TMEM117: variants seen among roughly 807,000 people sequenced by gnomAD.
TMEM117 encodes transmembrane protein 117.
TMEM117 carries 27 observed loss-of-function variants against 52.4 expected under a neutral mutation model. That is an observed-to-expected ratio of 0.51 (90% CI 0.38 to 0.71). The LOEUF is 0.71. TMEM117 is among the 30% of genes least tolerant of loss of function. The pLI is 0.00. For synonymous variants in TMEM117, 215 were observed against 206.3 expected, an observed-to-expected ratio of 1.04 and a Z score of -0.36; for missense variants, 556 against 630.5, an observed-to-expected ratio of 0.88 and a Z score of 1.26.
chr12:43,963,625 C>T (rs1945439318), intron 3 of TMEM117, among the ~76,000 whole-genome samples: 1 of 152,162 alleles, frequency 6.6e-6, no homozygotes, highest in Non-Finnish European at 1.5e-5. Flanking sequence ...AGAAGTAGGA[C>T]ATTGACACAT....
chr12:44,353,847 G>C (rs1489733820), intron 6 of TMEM117, among the ~76,000 whole-genome samples: 1 of 152,186 alleles, frequency 6.6e-6, no homozygotes, highest in East Asian at 1.9e-4. Flanking sequence ...GTCATTGGTA[G>C]CTTGATGGGG....
At chr12:44,131,525 C>T (rs1236630814) in intron 3 of TMEM117, among the ~76,000 whole-genome samples, 2 of 151,996 alleles carry the variant, frequency 1.3e-5, no homozygotes, top group Non-Finnish European at 2.9e-5. Context: ...TTATTTAAAT[C>T]CTTTATATCC....
intron 4 of TMEM117, among the ~76,000 whole-genome samples, chr12:44,200,265 T>C (rs553622527): frequency 6.6e-6 from 1 of 152,208 alleles, no homozygotes; most frequent in Non-Finnish European, 1.5e-5. Flanking sequence ...TTACCACATA[T>C]ACTGAGTATT....
chr12:44,310,723 G>A (rs1950963840), intron 6 of TMEM117, among the ~76,000 whole-genome samples: 1 of 152,196 alleles, frequency 6.6e-6, no homozygotes, highest in Non-Finnish European at 1.5e-5. Flanking sequence ...TTCTTGTTTA[G>A]TAAGTGGGTA....
chr12:44,162,382 C>A (rs1471690912), intron 4 of TMEM117, among the ~76,000 whole-genome samples: 2 of 152,160 alleles, frequency 1.3e-5, no homozygotes, highest in Non-Finnish European at 2.9e-5. Flanking sequence ...TTTTCTCTCC[C>A]TCCACAGACA....
chr12:43,823,465 A>T, the TMEM117 span, among the ~76,000 whole-genome samples: 2 of 152,310 alleles, frequency 1.3e-5, no homozygotes, highest in East Asian at 3.9e-4. Flanking sequence ...ACAATCTCAC[A>T]GTAGAGAGAA....
intron 2 of TMEM117, among the ~76,000 whole-genome samples, chr12:43,865,655 C>T (rs1943580500): frequency 6.6e-6 from 1 of 151,534 alleles, no homozygotes; most frequent in Admixed American, 6.6e-5. Flanking sequence ...TGATATCGCA[C>T]CACTGCACTC....
At chr12:44,213,757 G>A (rs1157050993) in intron 5 of TMEM117, among the ~76,000 whole-genome samples, 1 of 152,194 alleles carries the variant, frequency 6.6e-6, no homozygotes, top group Non-Finnish European at 1.5e-5. Flanking sequence ...ATGTGAAGAA[G>A]GACGTGTTTG....
chr12:43,934,387 A>G (rs1944918473), intron 2 of TMEM117, among the ~76,000 whole-genome samples: 1 of 152,186 alleles, frequency 6.6e-6, no homozygotes, highest in Non-Finnish European at 1.5e-5. Context: ...TAGTAATAGT[A>G]AAATATAATA....
intron 3 of TMEM117, among the ~76,000 whole-genome samples, chr12:44,103,900 GT>G (rs949728723): frequency 7.9e-5 from 12 of 151,302 alleles, no homozygotes; most frequent in Admixed American, 2.6e-4. Context: ...TTTTGTTCCT[GT>G]TTTTTTTCTC....
At chr12:44,286,308 T>A (rs981658684) in intron 5 of TMEM117, among the ~76,000 whole-genome samples, 49 of 150,626 alleles carry the variant, frequency 3.3e-4, no homozygotes, top group Admixed American at 7.3e-4. Context: ...TAAAACAGTT[T>A]TATATATATA....
chr12:44,275,843 A>G (rs879442846), intron 5 of TMEM117, among the ~76,000 whole-genome samples: 12 of 152,058 alleles, frequency 7.9e-5, no homozygotes, highest in Non-Finnish European at 1.8e-4. Flanking sequence ...TAATGGGTAC[A>G]ATAGAGATAG....
At chr12:44,235,246 C>A (rs991063481) in intron 5 of TMEM117, among the ~76,000 whole-genome samples, 3 of 151,530 alleles carry the variant, frequency 2.0e-5, no homozygotes, top group Non-Finnish European at 4.4e-5. Context: ...TATAGAAACA[C>A]CCTTTTTCTT....
chr12:44,241,517 A>G (rs1003641516), intron 5 of TMEM117, among the ~76,000 whole-genome samples: 2 of 151,966 alleles, frequency 1.3e-5, no homozygotes, highest in South Asian at 2.1e-4. Flanking sequence ...TTTTTACGTG[A>G]TCAAATCTAT....
chr12:44,214,692 A>T (rs1303561159), intron 5 of TMEM117, among the ~76,000 whole-genome samples: 1 of 152,208 alleles, frequency 6.6e-6, no homozygotes, highest in African/African-American at 2.4e-5. Flanking sequence ...TTATATTTCA[A>T]AAGTAGTATT....
At chr12:44,232,051 A>G (rs1949940262) in intron 5 of TMEM117, among the ~76,000 whole-genome samples, 2 of 151,836 alleles carry the variant, frequency 1.3e-5, no homozygotes, top group South Asian at 2.1e-4. Context: ...TGCTTAACCT[A>G]TATAAAGCAG....
chr12:43,914,450 C>A (rs1156685331), intron 2 of TMEM117, among the ~76,000 whole-genome samples: 1 of 152,162 alleles, frequency 6.6e-6, no homozygotes, highest in South Asian at 2.1e-4. Flanking sequence ...ATTCATTTCA[C>A]AAATATTCGT....
At chr12:43,873,358 T>C (rs1746059340) in intron 2 of TMEM117, among the ~76,000 whole-genome samples, 2 of 152,322 alleles carry the variant, frequency 1.3e-5, no homozygotes, top group African/African-American at 2.4e-5. Flanking sequence ...TCAAAACCTT[T>C]TAGTATGTGA....
intron 5 of TMEM117, among the ~76,000 whole-genome samples, chr12:44,288,198 C>G (rs1052386821): frequency 2.6e-5 from 4 of 152,138 alleles, no homozygotes; most frequent in Non-Finnish European, 4.4e-5. Flanking sequence ...CTACATAAGA[C>G]GCTGAGCATA....
Sources: allele counts gnomAD v4.1 joint callset (sites outside exome capture counted in the v4.1 genomes callset), GRCh38; gene constraint gnomAD v4.1.1; transcripts MANE v1.5; gene names NCBI Gene and HGNC (gene_info 2026-07-23, HGNC 2026-07-21).